Variants in LRRC8C observed in about 807,000 individuals in gnomAD.
The protein encoded by LRRC8C is leucine rich repeat containing 8 VRAC subunit C.
LRRC8C carries 20 observed loss-of-function variants against 55.3 expected under a neutral mutation model. The observed-to-expected ratio is 0.36, with a 90% CI of 0.25 to 0.53. LRRC8C has a LOEUF of 0.53. Ranked by LOEUF, LRRC8C falls within the 20% of genes least tolerant of loss-of-function variation. The pLI is 0.92. For synonymous variants in LRRC8C, 376 were observed against 360.7 expected, an observed-to-expected ratio of 1.04 and a Z score of -0.48; for missense variants, 659 against 951.4, an observed-to-expected ratio of 0.69 and a Z score of 4.04.
At chr1:89,672,138 G>T (rs957414190) in intron 1 of LRRC8C, among the ~76,000 whole-genome samples, 1 of 152,192 alleles carries the variant, frequency 6.6e-6, no homozygotes, top group Non-Finnish European at 1.5e-5. Flanking sequence ...CCATTACGTT[G>T]CAGACCCTTC....
At chr1:89,689,402 A>T (rs1033675637) in intron 2 of LRRC8C, among the ~76,000 whole-genome samples, 2 of 152,178 alleles carry the variant, frequency 1.3e-5, no homozygotes, top group East Asian at 1.9e-4. Flanking sequence ...GAGTTAGAAC[A>T]TGTTTGAAGG....
At chr1:89,696,631 G>T (rs34152344) in intron 2 of LRRC8C, among the ~76,000 whole-genome samples, 221 of 152,224 alleles carry the variant, frequency 1.5e-3, no homozygotes, top group Non-Finnish European at 2.8e-3. Context: ...AACCTGTTGT[G>T]TCACATCAGT....
chr1:89,683,355 T>C (rs1237532799), intron 1 of LRRC8C, among the ~76,000 whole-genome samples: 5 of 100,940 alleles, frequency 5.0e-5, no homozygotes, highest in African/African-American at 1.5e-4. Context: ...AAGTACAAGA[T>C]AGACTAATTT....
chr1:89,659,352 A>G (rs1335433578), intron 1 of LRRC8C, among the ~76,000 whole-genome samples: 2 of 152,154 alleles, frequency 1.3e-5, no homozygotes, highest in Non-Finnish European at 2.9e-5. Context: ...AGTGACTTAG[A>G]TTAACCAGTT....
intron 1 of LRRC8C, among the ~76,000 whole-genome samples, chr1:89,646,024 T>A (rs6428563): frequency 0.56 from 84,647 of 151,690 alleles, 24,027 homozygotes; most frequent in East Asian, 0.79. Context: ...ATTATGAAAC[T>A]TTTAATATTA....
chr1:89,671,429 CA>C (rs1657411719), intron 1 of LRRC8C, among the ~76,000 whole-genome samples: 1 of 149,908 alleles, frequency 6.7e-6, no homozygotes, highest in Non-Finnish European at 1.5e-5. Context: ...GCTCAGAAGT[CA>C]GTTCCTAAGG....
intron 2 of LRRC8C, among the ~76,000 whole-genome samples, chr1:89,698,983 A>G (rs1658245182): frequency 6.6e-6 from 1 of 152,188 alleles, no homozygotes; most frequent in Admixed American, 6.5e-5. Flanking sequence ...TGGAAAAAAA[A>G]AGAAATTAAA....
At chr1:89,685,533 G>A (rs563650826) in intron 1 of LRRC8C, among the ~76,000 whole-genome samples, 6 of 152,024 alleles carry the variant, frequency 3.9e-5, no homozygotes, top group African/African-American at 1.4e-4. Flanking sequence ...CTCACAGTAG[G>A]AGGATGATTG....
the LRRC8C span, among the ~76,000 whole-genome samples, chr1:89,622,991 G>A: frequency 1.3e-5 from 2 of 152,032 alleles, no homozygotes; most frequent in Non-Finnish European, 2.9e-5. Context: ...AAGAATATTC[G>A]AGACACTTAA....
upstream of LRRC8C, among the ~76,000 whole-genome samples, chr1:89,630,030 C>T (rs374519152): frequency 5.3e-5 from 8 of 152,124 alleles, no homozygotes; most frequent in African/African-American, 1.7e-4. Context: ...ATTAGCTGGG[C>T]GTGGTGGCGG....
intron 2 of LRRC8C, among the ~76,000 whole-genome samples, chr1:89,697,155 T>C: frequency 6.6e-6 from 1 of 152,240 alleles, no homozygotes; most frequent in African/African-American, 2.4e-5. Context: ...TTCATGTAGA[T>C]TGGACCACAA....
At chr1:89,624,081 A>G in the LRRC8C span, among the ~76,000 whole-genome samples, 1 of 152,244 alleles carries the variant, frequency 6.6e-6, no homozygotes, top group South Asian at 2.1e-4. Flanking sequence ...GGAGATGCAA[A>G]GAGAGCGAGA....
At chr1:89,648,318 A>G (rs1371276147) in intron 1 of LRRC8C, among the ~76,000 whole-genome samples, 1 of 152,198 alleles carries the variant, frequency 6.6e-6, no homozygotes, top group Non-Finnish European at 1.5e-5. Flanking sequence ...AGCCTATAAG[A>G]GAAATACAAC....
At chr1:89,711,095 A>G (rs1005333451) in intron 2 of LRRC8C, among the ~76,000 whole-genome samples, 1 of 152,218 alleles carries the variant, frequency 6.6e-6, no homozygotes, top group African/African-American at 2.4e-5. Context: ...TATAATCACC[A>G]TCTTCATCTT....
In LRRC8C at chr1:89,713,017, T is replaced by A. The variant is rs765437981; in HGVS notation, c.447T>A (p.Pro149=). The change falls in exon 3 of 3, where the codon CCT becomes CCA. Residue 149 remains proline (P), a synonymous_variant. Transcript: ENST00000370454. The surrounding 1 kb of genome is among the most constrained non-coding windows in gnomAD (Gnocchi z 5.2). ...MLCSNFWFKF[P]GSSSKIEHFI... ...GCAGTAACTTTTGGTTCAAATTCCC[T>A]GGTTCCAGCTCCAAAATAGAACATT... The A allele has an allele frequency of 6.2e-7, 1 of 1,614,236 alleles. No homozygotes were observed. The highest frequency in any genetic ancestry group is 1.1e-5 in the South Asian group (1 of 91,088).
intron 1 of LRRC8C, among the ~76,000 whole-genome samples, chr1:89,651,953 CA>C (rs1656797327): frequency 6.6e-6 from 1 of 152,136 alleles, no homozygotes; most frequent in South Asian, 2.1e-4. Context: ...TCATGAGAAT[CA>C]ATTACAGAAG....
chr1:89,662,905 G>A (rs578132792), intron 1 of LRRC8C, among the ~76,000 whole-genome samples: 125 of 152,168 alleles, frequency 8.2e-4, no homozygotes, highest in African/African-American at 2.9e-3. Context: ...CACGTGCCAT[G>A]GTGCTTTGCT....
At chr1:89,633,078 G>A (rs1228663548), upstream of LRRC8C, 1 of 152,114 alleles carries the variant, frequency 6.6e-6, no homozygotes, top group East Asian at 1.9e-4. Context: ...CTCCGTCCGC[G>A]GCCGGGGAGG....
At position 89,717,446 on chromosome 1, in the gene LRRC8C, T is replaced by G. The variant is rs1658859585; in HGVS notation, c.*2464T>G. The G allele has an allele frequency of 6.6e-6, 1 of 152,122 alleles. No homozygotes were observed. Among genetic ancestry groups the G allele is most frequent in the South Asian group, 2.1e-4 (1 of 4,820 alleles). 9.4% of individuals were successfully genotyped at this position (152,122 alleles called of 1,614,324 possible). A position where few individuals can be genotyped will look rare whatever the true frequency, so the allele number is the denominator to read the frequency against. Reference sequence around the variant, plus strand: ...ATTTGCTCAAAATTCCAAAAAAATATTGATTTGTTTTTTAGTGATTTTGCA... The same window carrying G: ...ATTTGCTCAAAATTCCAAAAAAATAGTGATTTGTTTTTTAGTGATTTTGCA... On this transcript the variant is annotated 3_prime_UTR_variant, in exon 3 of 3. Transcript: ENST00000370454.
Sources: allele counts gnomAD v4.1 joint callset (sites outside exome capture counted in the v4.1 genomes callset), GRCh38; gene constraint gnomAD v4.1.1; non-coding constraint Gnocchi (gnomAD v3.1); transcripts MANE v1.5; gene names NCBI Gene and HGNC (gene_info 2026-07-23, HGNC 2026-07-21).